The following PCSK5 variants were observed in gnomAD, a reference collection of about 807,000 sequenced individuals.
PCSK5 encodes the protein proprotein convertase subtilisin/kexin type 5.
In PCSK5, 129 loss-of-function variants were observed where a neutral mutation model predicts 233.2. The ratio of observed to expected loss-of-function variants is 0.55; its 90% CI spans 0.48 to 0.64. The LOEUF (loss-of-function observed/expected upper bound fraction) is 0.64, where lower values mean the gene tolerates loss of function less well. Ranked by LOEUF, PCSK5 falls within the 30% of genes least tolerant of loss-of-function variation. The probability of loss-of-function intolerance (pLI) is 0.00; values close to 1 mark genes in which losing one functional copy is unlikely to be tolerated. For synonymous variants in PCSK5, 825 were observed against 879.2 expected (o/e 0.94, Z 1.09); for missense variants, 2,076 against 2,430.1 (o/e 0.85, Z 3.06).
intron 34 of PCSK5, among the ~76,000 whole-genome samples, chr9:76,337,322 TTTTG>T (rs955431941): frequency 6.6e-6 from 1 of 151,012 alleles, no homozygotes; most frequent in Non-Finnish European, 1.5e-5. Flanking sequence ...ATCTGGCTAC[TTTTG>T]TTTGTTTGTT....
chr9:76,074,530 T>A (rs1830579561), intron 7 of PCSK5, among the ~76,000 whole-genome samples: 1 of 152,176 alleles, frequency 6.6e-6, no homozygotes, highest in African/African-American at 2.4e-5. Context: ...AGATAGTGTT[T>A]TCATGTGATG....
chr9:75,948,886 G>T (rs13297983), intron 2 of PCSK5, among the ~76,000 whole-genome samples: 16,678 of 151,842 alleles, frequency 0.11, 1,327 homozygotes, highest in African/African-American at 0.23. Context: ...AGAGCTTATT[G>T]TGTACAAGGC....
intron 20 of PCSK5, among the ~76,000 whole-genome samples, chr9:76,214,328 G>A (rs1253132747): frequency 6.6e-6 from 1 of 151,864 alleles, no homozygotes; most frequent in Non-Finnish European, 1.5e-5. Context: ...ACACACATAT[G>A]TGTGTGTGCA....
chr9:76,055,782 G>A (rs976677331), intron 5 of PCSK5, among the ~76,000 whole-genome samples: 1 of 152,058 alleles, frequency 6.6e-6, no homozygotes, highest in African/African-American at 2.4e-5. Flanking sequence ...AGGATACCCT[G>A]GTCTAGTTCT....
chr9:76,245,147 A>G (rs1167207108), intron 24 of PCSK5, among the ~76,000 whole-genome samples: 1 of 152,208 alleles, frequency 6.6e-6, no homozygotes, highest in Non-Finnish European at 1.5e-5. Flanking sequence ...CTTAGATTAT[A>G]TACCATTGAC....
intron 24 of PCSK5, among the ~76,000 whole-genome samples, chr9:76,266,672 T>C (rs781579027): frequency 1.3e-5 from 2 of 152,192 alleles, no homozygotes; most frequent in Non-Finnish European, 2.9e-5. Context: ...GCAAATTGCC[T>C]CATCACCAAG....
At position 76,239,046 on chromosome 9, in the gene PCSK5, G is replaced by GCCTGC; in HGVS notation, c.2962_2966dup (p.Asp990AlafsTer18). 1 of 1,611,752 alleles carries GCCTGC rather than the reference G, an allele frequency of 6.2e-7. No individual in the cohort carries two copies. The highest frequency in any genetic ancestry group is 1.1e-5 in the South Asian group (1 of 90,696). ...CACTATGCCACTGAGGGGAACACCTGCCTGCCCTGCCCAGACAACTGTGAG... is the reference window on the plus strand; with the variant it reads ...CACTATGCCACTGAGGGGAACACCTGCCTGCCCTGCCCTGCCCAGACAACTGTGAG... On this transcript the variant is annotated frameshift_variant, in exon 23 of 38. Coordinates refer to ENST00000674117, the MANE Select transcript of PCSK5 (RefSeq NM_001372043.1). LOFTEE classifies it high-confidence loss of function.
At chr9:76,137,487 ATAAT>A (rs1316540872) in intron 10 of PCSK5, among the ~76,000 whole-genome samples, 1 of 152,146 alleles carries the variant, frequency 6.6e-6, no homozygotes, top group East Asian at 1.9e-4. Flanking sequence ...ATCTCATAGT[ATAAT>A]TAAAATATCT....
At chr9:75,911,744 G>C (rs549946437) in intron 1 of PCSK5, among the ~76,000 whole-genome samples, 7 of 152,186 alleles carry the variant, frequency 4.6e-5, no homozygotes, top group Admixed American at 3.3e-4. Context: ...ATGGAGAGTG[G>C]TGGGGGACCT....
chr9:75,938,980 G>A (rs189220171), intron 2 of PCSK5, among the ~76,000 whole-genome samples: 1 of 152,246 alleles, frequency 6.6e-6, no homozygotes, highest in East Asian at 1.9e-4. Context: ...GTGAATTGTA[G>A]GGGATACACA....
At chr9:76,025,847 A>G (rs141431081) in intron 4 of PCSK5, among the ~76,000 whole-genome samples, 1,676 of 152,328 alleles carry the variant, frequency 0.011, 21 homozygotes, top group Middle Eastern at 0.014. Flanking sequence ...ATGTTCTACT[A>G]TACTAAAATG....
intron 8 of PCSK5, among the ~76,000 whole-genome samples, chr9:76,105,756 T>C (rs1288069186): frequency 6.6e-6 from 1 of 152,212 alleles, no homozygotes; most frequent in African/African-American, 2.4e-5. Flanking sequence ...TGTAGTTCTA[T>C]AGATCTTTGT....
chr9:76,187,655 G>A (rs1039586714), intron 17 of PCSK5, among the ~76,000 whole-genome samples: 1 of 152,138 alleles, frequency 6.6e-6, no homozygotes, highest in African/African-American at 2.4e-5. Context: ...GAGCCACCAT[G>A]CCCAGCCAAA....
chr9:75,919,365 G>T (rs1186648142), intron 1 of PCSK5, among the ~76,000 whole-genome samples: 1 of 152,172 alleles, frequency 6.6e-6, no homozygotes, highest in Non-Finnish European at 1.5e-5. Flanking sequence ...CAGCTGTAGG[G>T]CATTGGGTTG....
chr9:75,908,867 CTTTCTATT>C (rs142407472), intron 1 of PCSK5, among the ~76,000 whole-genome samples: 2,752 of 141,174 alleles, frequency 0.019, 47 homozygotes, highest in African/African-American at 0.038. Context: ...GCATCCTTCT[CTTTCTATT>C]TATCTATCTA....
rs573140832 is a variant in PCSK5, at chr9:76,351,444, A to G, written c.5067+516A>G. 3.9e-3 allele frequency among the ~76,000 whole-genome samples: 111 copies of G among 28,176 alleles called. 11 individuals carry two copies. In the South Asian group the frequency reaches 0.23, roughly 59 times the overall value. The allele number at this position is 28,176 out of a possible 152,430, so 18.5% of individuals were successfully genotyped here. On this transcript the variant is annotated intron_variant, in intron 36 of 37. Coordinates refer to ENST00000674117, the MANE Select transcript of PCSK5 (RefSeq NM_001372043.1). ...ACCGCCCCCCCCTGCAATGTGAAAG[A>G]AAGGAAAGAAAGAAAGAAAGAAAGA...
At chr9:76,157,502 C>A (rs933561106) in intron 11 of PCSK5, among the ~76,000 whole-genome samples, 2 of 149,364 alleles carry the variant, frequency 1.3e-5, no homozygotes, top group Non-Finnish European at 2.9e-5. Flanking sequence ...CAACTCTATA[C>A]TGCGTAGTTA....
intron 16 of PCSK5, among the ~76,000 whole-genome samples, chr9:76,182,127 G>A (rs1254830861): frequency 6.6e-6 from 1 of 152,156 alleles, no homozygotes; most frequent in Admixed American, 6.5e-5. Context: ...TTTAGACAAA[G>A]TGAGCCACTC....
At chr9:75,965,257 GTA>G (rs1825525272) in intron 2 of PCSK5, among the ~76,000 whole-genome samples, 1 of 80,830 alleles carries the variant, frequency 1.2e-5, no homozygotes, top group African/African-American at 4.7e-5. Context: ...GTGTATGTGT[GTA>G]TATGTGTGTG....
Sources: allele counts gnomAD v4.1 joint callset (sites outside exome capture counted in the v4.1 genomes callset), GRCh38; gene constraint gnomAD v4.1.1; transcripts MANE v1.5; gene names NCBI Gene and HGNC (gene_info 2026-07-23, HGNC 2026-07-21).